The following TNIK variants were observed in gnomAD, a reference collection of about 807,000 sequenced individuals.
TNIK encodes TRAF2 and NCK interacting kinase.
A neutral mutation model predicts 191.3 loss-of-function variants in TNIK; 49 were observed. The observed-to-expected ratio is 0.26, with a 90% confidence interval of 0.20 to 0.32. TNIK has a LOEUF of 0.32. TNIK is among the 10% of genes least tolerant of loss of function. The pLI, the probability that TNIK is intolerant of heterozygous loss-of-function variation, is 1.00. For synonymous variants in TNIK, 594 were observed against 600.9 expected (o/e 0.99, Z 0.17); for missense variants, 1,155 against 1,702.3 (o/e 0.68, Z 5.66).
At chr3:171,210,113 A>G (rs1042259774) in intron 4 of TNIK, among the ~76,000 whole-genome samples, 1 of 152,220 alleles carries the variant, frequency 6.6e-6, no homozygotes, top group African/African-American at 2.4e-5. Flanking sequence ...TTTTAGAAGC[A>G]TTAATATAAC....
chr3:171,452,757 CA>C, intron 1 of TNIK, among the ~76,000 whole-genome samples: 1 of 151,804 alleles, frequency 6.6e-6, no homozygotes, highest in African/African-American at 2.4e-5. Context: ...CACACACACA[CA>C]CACACACACA....
chr3:171,124,548 A>T (rs762354123), intron 17 of TNIK, among the ~76,000 whole-genome samples: 11 of 152,218 alleles, frequency 7.2e-5, no homozygotes, highest in Non-Finnish European at 1.5e-5. Flanking sequence ...AAAGAATCAT[A>T]TTATGAATCC....
intron 2 of TNIK, among the ~76,000 whole-genome samples, chr3:171,262,455 C>A (rs1314434544): frequency 1.3e-5 from 2 of 152,176 alleles, no homozygotes; most frequent in Non-Finnish European, 2.9e-5. Context: ...AAATTCTACA[C>A]AGCTCCTTAA....
intron 2 of TNIK, among the ~76,000 whole-genome samples, chr3:171,349,494 G>A (rs1288348718): frequency 2.6e-5 from 4 of 152,164 alleles, no homozygotes; most frequent in Non-Finnish European, 2.9e-5. Flanking sequence ...TTTTACAAGG[G>A]TCAGACAGCT....
At chr3:171,315,847 T>C (rs1023705859) in intron 2 of TNIK, among the ~76,000 whole-genome samples, 1 of 152,172 alleles carries the variant, frequency 6.6e-6, no homozygotes, top group African/African-American at 2.4e-5. Context: ...TAATCAAGTA[T>C]GATCCCATCT....
At chr3:171,098,132 C>T (rs6772757) in intron 22 of TNIK, among the ~76,000 whole-genome samples, 32 of 151,948 alleles carry the variant, frequency 2.1e-4, no homozygotes, top group African/African-American at 6.5e-4. Context: ...TAGAAAAAAG[C>T]GGAAATAAAA....
At chr3:171,092,139 G>A (rs778155695) in intron 23 of TNIK, among the ~76,000 whole-genome samples, 68 of 151,948 alleles carry the variant, frequency 4.5e-4, no homozygotes, top group African/African-American at 1.5e-3. Flanking sequence ...TAGTAGAGAC[G>A]GGATTTCACT....
At position 171,059,637 on chromosome 3, in the gene TNIK, T is replaced by C. The variant is rs1717653270; in HGVS notation, c.*4244A>G. On this transcript the variant is annotated 3_prime_UTR_variant, in exon 33 of 33. Transcript: ENST00000436636. ...TTACACCCAATTTATTTAAGATCCATGAAAGGACAGCTTACTTTAGGGTTC... is the reference window on the plus strand; with the variant it reads ...TTACACCCAATTTATTTAAGATCCACGAAAGGACAGCTTACTTTAGGGTTC... Among the ~76,000 whole-genome samples, 1 of 152,164 alleles carries C rather than the reference T, an allele frequency of 6.6e-6. No homozygotes were observed. The highest frequency in any genetic ancestry group is 1.9e-4 in the East Asian group (1 of 5,200).
At chr3:171,353,992 G>C (rs6444982) in intron 2 of TNIK, among the ~76,000 whole-genome samples, 43,576 of 151,764 alleles carry the variant, frequency 0.29, 6,508 homozygotes, top group South Asian at 0.45. Flanking sequence ...AGTATAAAGT[G>C]CCATTATTCT....
intron 1 of TNIK, among the ~76,000 whole-genome samples, chr3:171,417,199 A>G (rs1328342464): frequency 6.6e-6 from 1 of 152,230 alleles, no homozygotes; most frequent in Admixed American, 6.5e-5. Flanking sequence ...ATCTCAAAAT[A>G]TGTTTTGAAG....
chr3:171,119,126 G>A (rs945127142), intron 18 of TNIK, among the ~76,000 whole-genome samples: 33 of 152,292 alleles, frequency 2.2e-4, no homozygotes, highest in African/African-American at 7.7e-4. Context: ...CAACAAGTGG[G>A]CAAAGGATAT....
intron 2 of TNIK, among the ~76,000 whole-genome samples, chr3:171,257,672 C>A (rs1747056481): frequency 6.6e-6 from 1 of 152,170 alleles, no homozygotes; most frequent in Admixed American, 6.5e-5. Flanking sequence ...TTCCCACCAG[C>A]AACAAAGAGC....
intron 2 of TNIK, among the ~76,000 whole-genome samples, chr3:171,341,195 G>A (rs185668113): frequency 4.6e-5 from 7 of 151,994 alleles, no homozygotes; most frequent in South Asian, 2.1e-4. Context: ...ATTTTGGGCC[G>A]GGCACAGTGA....
intron 2 of TNIK, among the ~76,000 whole-genome samples, chr3:171,306,071 G>C (rs1295290026): frequency 6.6e-6 from 1 of 152,168 alleles, no homozygotes; most frequent in Non-Finnish European, 1.5e-5. Flanking sequence ...CAGGAACGTG[G>C]ATGGAACCGG....
chr3:171,440,261 G>A (rs183613718), intron 1 of TNIK, among the ~76,000 whole-genome samples: 7 of 151,918 alleles, frequency 4.6e-5, no homozygotes, highest in East Asian at 3.9e-4. Flanking sequence ...TCCTTCCCTC[G>A]CCATCATAGT....
intron 2 of TNIK, among the ~76,000 whole-genome samples, chr3:171,247,939 G>T (rs563770024): frequency 6.6e-6 from 1 of 152,244 alleles, no homozygotes; most frequent in East Asian, 1.9e-4. Flanking sequence ...AAAGTTGCTT[G>T]GTCTGAAAAG....
intron 2 of TNIK, among the ~76,000 whole-genome samples, chr3:171,258,744 A>T (rs1747206347): frequency 6.6e-6 from 1 of 152,146 alleles, no homozygotes; most frequent in African/African-American, 2.4e-5. Flanking sequence ...TGGTTCCCAT[A>T]ATTTTTCTTC....
At chr3:171,293,742 T>C (rs1312895440) in intron 2 of TNIK, among the ~76,000 whole-genome samples, 2 of 152,182 alleles carry the variant, frequency 1.3e-5, no homozygotes, top group Admixed American at 6.5e-5. Context: ...TGACATAAAG[T>C]TTACTTTTTA....
intron 2 of TNIK, among the ~76,000 whole-genome samples, chr3:171,340,832 C>T (rs1757432057): frequency 6.6e-6 from 1 of 152,056 alleles, no homozygotes; most frequent in Admixed American, 6.5e-5. Flanking sequence ...ATCTCTCAAA[C>T]TCTTCTGTGG....
Sources: gnomAD v4.1 joint callset for allele counts (sites outside exome capture counted in the v4.1 genomes callset) on GRCh38, gnomAD v4.1.1 for gene constraint, MANE v1.5 for transcripts, NCBI Gene and HGNC (gene_info 2026-07-23, HGNC 2026-07-21) for gene names.